Variants in NEBL observed in about 807,000 individuals in gnomAD.
The protein encoded by NEBL is nebulette.
In NEBL, 122 loss-of-function variants were observed where a neutral mutation model predicts 140.2. The ratio of observed to expected loss-of-function variants is 0.87; its 90% CI spans 0.75 to 1.01. The LOEUF (loss-of-function observed/expected upper bound fraction) is 1.01. Ranked by LOEUF, NEBL falls within the 50% of genes least tolerant of loss-of-function variation. The pLI is 0.00. For missense variants in NEBL, 1,365 were observed against 1,231.3 expected (o/e 1.11, Z -1.62); for synonymous variants, 436 against 398.9 (o/e 1.09, Z -1.11).
At chr10:21,138,507 T>G (rs1839462392) in intron 2 of NEBL, among the ~76,000 whole-genome samples, 2 of 151,522 alleles carry the variant, frequency 1.3e-5, no homozygotes, top group South Asian at 4.2e-4. Context: ...AAAAGAGGGG[T>G]CAGGGTTCAA....
intron 13 of NEBL, among the ~76,000 whole-genome samples, chr10:20,837,060 G>A (rs534785819): frequency 8.2e-4 from 125 of 152,150 alleles, no homozygotes; most frequent in African/African-American, 2.8e-3. Context: ...AAATTGGGCC[G>A]ATTAGTAACC....
intron 4 of NEBL, among the ~76,000 whole-genome samples, chr10:20,909,260 T>A (rs562671857): frequency 1.3e-5 from 2 of 151,418 alleles, no homozygotes; most frequent in South Asian, 2.1e-4. Context: ...TTTTTTTTTT[T>A]ACCCTTTAAC....
chr10:21,057,077 T>C (rs16921507), intron 2 of NEBL, among the ~76,000 whole-genome samples: 2,557 of 152,188 alleles, frequency 0.017, 68 homozygotes, highest in African/African-American at 0.058. Context: ...AAAATAGTCA[T>C]ATATACAAGT....
chr10:21,003,294 C>A (rs1837986078), intron 3 of NEBL, among the ~76,000 whole-genome samples: 1 of 152,170 alleles, frequency 6.6e-6, no homozygotes, highest in Non-Finnish European at 1.5e-5. Context: ...ATGCAGCTGA[C>A]ACCTTTGGAG....
Position 20,885,743 on chromosome 10 carries a change from T to G in NEBL, c.369+2354A>C, listed in dbSNP as rs3791202. Among the ~76,000 whole-genome samples, 361 of 152,330 alleles carry G rather than the reference T, an allele frequency of 2.4e-3. 11 individuals carry two copies. In the East Asian group the frequency reaches 0.054, roughly 23 times the overall value. ...TCCTTTTCTTTCGTTATTGCTTAAT[T>G]GTTGCTTGTCACATATCAAGTGTTG... is the stretch of plus-strand genomic sequence containing the variant. On this transcript the variant is annotated intron_variant, in intron 4 of 27. Transcript: ENST00000377122.
chr10:20,987,700 A>G (rs1188462698), intron 3 of NEBL, among the ~76,000 whole-genome samples: 4 of 152,234 alleles, frequency 2.6e-5, no homozygotes, highest in Non-Finnish European at 5.9e-5. Flanking sequence ...TCTTTAGAGC[A>G]TAAGACCAAG....
At chr10:21,280,336 T>C (rs1464370191) in intron 1 of NEBL, among the ~76,000 whole-genome samples, 3 of 152,168 alleles carry the variant, frequency 2.0e-5, no homozygotes, top group African/African-American at 7.2e-5. Context: ...AGCTGTTAAA[T>C]GTATGAGTTT....
intron 27 of NEBL, among the ~76,000 whole-genome samples, chr10:20,786,197 TC>T (rs1835392964): frequency 6.6e-6 from 1 of 151,986 alleles, no homozygotes; most frequent in Non-Finnish European, 1.5e-5. Flanking sequence ...AAAGCCAAGT[TC>T]CCCCCAACTT....
At chr10:20,929,030 C>T (rs924011938) in intron 4 of NEBL, among the ~76,000 whole-genome samples, 3 of 152,020 alleles carry the variant, frequency 2.0e-5, no homozygotes, top group African/African-American at 7.2e-5. Flanking sequence ...CTTGTTCCTC[C>T]TCTTCCACCA....
At chr10:21,264,943 TTTTA>T (rs1272789298) in intron 1 of NEBL, among the ~76,000 whole-genome samples, 1 of 151,784 alleles carries the variant, frequency 6.6e-6, no homozygotes, top group East Asian at 1.9e-4. Flanking sequence ...TTATTTTTAT[TTTTA>T]TTTTTATTTT....
intron 2 of NEBL, chr10:21,172,174 T>C: frequency 1.7e-6 from 1 of 588,552 alleles, no homozygotes; most frequent in Non-Finnish European, 3.0e-6. Flanking sequence ...TGATTGAAGA[T>C]GCATAGACGT....
chr10:21,092,335 G>A lies in NEBL; in HGVS notation c.165-72134C>T, dbSNP rs1225678084. Reference sequence around the variant, plus strand: ...TCTAGTACTATCCCACTGTTTGCCTGTGCTTCTAAATATAGAAGGCAGTTA... The same window carrying A: ...TCTAGTACTATCCCACTGTTTGCCTATGCTTCTAAATATAGAAGGCAGTTA... On this transcript the variant is annotated intron_variant, in intron 2 of 6. Coordinates refer to the NEBL transcript ENST00000417816. Among the ~76,000 whole-genome samples the A allele has an allele frequency of 9.9e-5, 15 of 152,144 alleles. 1 individual carries two copies. The highest frequency in any genetic ancestry group is 9.8e-4 in the Admixed American group (15 of 15,270).
In NEBL at chr10:21,285,563, A is replaced by G. The variant is rs558618551; in HGVS notation, n.182+7267T>C. 2.0e-5 allele frequency among the ~76,000 whole-genome samples: 3 copies of G among 152,262 alleles called. No individual in the cohort carries two copies. In the South Asian group the frequency reaches 6.2e-4, roughly 32 times the overall value. On this transcript the variant is annotated intron_variant and non_coding_transcript_variant, in intron 1 of 8. Transcript: ENST00000675702. Reference sequence around the variant, plus strand: ...ATATATAAAACTAAACTATGCCCCAACCACCTTGGGGACATGTCGTCAGGA... The same window carrying G: ...ATATATAAAACTAAACTATGCCCCAGCCACCTTGGGGACATGTCGTCAGGA...
In NEBL at chr10:21,099,039, G is replaced by A. The variant is rs969055898; in HGVS notation, c.164+73344C>T. On this transcript the variant is annotated intron_variant, in intron 2 of 6. Coordinates refer to the NEBL transcript ENST00000417816. ...TCCTATCTACTCGGAAGGCTAAGGC[G>A]GTAGGATGGCATGAGCCCAGGAGCT... 5.3e-5 allele frequency among the ~76,000 whole-genome samples: 8 copies of A among 152,130 alleles called. No individual in the cohort carries two copies. In the South Asian group the frequency reaches 6.2e-4, roughly 12 times the overall value.
intron 2 of NEBL, among the ~76,000 whole-genome samples, chr10:21,031,246 G>A (rs1212889316): frequency 6.6e-6 from 1 of 152,150 alleles, no homozygotes; most frequent in Non-Finnish European, 1.5e-5. Context: ...CCCTATGGGG[G>A]TCACCCATCA....
intron 2 of NEBL, among the ~76,000 whole-genome samples, chr10:21,142,664 G>A (rs1839689632): frequency 6.6e-6 from 1 of 152,048 alleles, no homozygotes; most frequent in African/African-American, 2.4e-5. Context: ...ACTATATCAG[G>A]GGCCCCCAAC....
intron 2 of NEBL, among the ~76,000 whole-genome samples, chr10:21,096,341 G>A (rs573634817): frequency 1.3e-5 from 2 of 152,182 alleles, no homozygotes; most frequent in East Asian, 1.9e-4. Context: ...AATACAATTT[G>A]CATATAAAAC....
At chr10:21,104,650 T>C (rs932200360) in intron 2 of NEBL, among the ~76,000 whole-genome samples, 5 of 152,206 alleles carry the variant, frequency 3.3e-5, no homozygotes, top group African/African-American at 9.6e-5. Context: ...ATTATCCACA[T>C]AGACAATCAT....
upstream of NEBL, among the ~76,000 whole-genome samples, chr10:20,897,854 T>G (rs1435073558): frequency 6.6e-6 from 1 of 152,236 alleles, no homozygotes; most frequent in Non-Finnish European, 1.5e-5. Flanking sequence ...CTTCAAAGAA[T>G]CTATTCTGAG....
Sources: allele counts gnomAD v4.1 joint callset (sites outside exome capture counted in the v4.1 genomes callset), GRCh38; gene constraint gnomAD v4.1.1; transcripts MANE v1.5; gene names NCBI Gene and HGNC (gene_info 2026-07-23, HGNC 2026-07-21).